Variants in CYLC2 observed in about 807,000 individuals in gnomAD.
CYLC2 encodes the protein cylicin-2.
A neutral mutation model predicts 26.1 loss-of-function variants in CYLC2; 30 were observed. The observed-to-expected ratio is 1.15, with a 90% confidence interval of 0.86 to 1.56. CYLC2 has a LOEUF of 1.56. CYLC2 is among the 40% of genes most tolerant of loss of function. CYLC2 has a pLI of 0.00. For missense variants in CYLC2, 498 were observed against 394.4 expected (o/e 1.26, Z -2.23); for synonymous variants, 158 against 132.8 (o/e 1.19, Z -1.31).
intron 1 of CYLC2, among the ~76,000 whole-genome samples, chr9:102,998,340 A>G: frequency 1.3e-5 from 2 of 150,314 alleles, no homozygotes; most frequent in South Asian, 4.1e-4. Context: ...ATTTACATTC[A>G]TATAAATATA....
At chr9:103,016,185 T>C (rs547344643) in intron 6 of CYLC2, among the ~76,000 whole-genome samples, 1 of 152,004 alleles carries the variant, frequency 6.6e-6, no homozygotes, top group South Asian at 2.1e-4. Flanking sequence ...TATTTTCTAA[T>C]GGTTAAGAAA....
chr9:102,998,646 T>C (rs1048855753), intron 1 of CYLC2, among the ~76,000 whole-genome samples: 1 of 151,936 alleles, frequency 6.6e-6, no homozygotes, highest in East Asian at 1.9e-4. Context: ...TATAAATGAT[T>C]CTTACTAAAA....
intron 6 of CYLC2, among the ~76,000 whole-genome samples, chr9:103,012,575 C>T (rs973929895): frequency 5.3e-5 from 8 of 151,692 alleles, no homozygotes; most frequent in African/African-American, 1.5e-4. Flanking sequence ...AGCCCTAATC[C>T]ATAATAAAAT....
At chr9:103,016,314 C>T (rs893961063) in intron 6 of CYLC2, among the ~76,000 whole-genome samples, 1 of 151,950 alleles carries the variant, frequency 6.6e-6, no homozygotes, top group Admixed American at 6.6e-5. Context: ...GAGAAAGCAG[C>T]AGTCACTGGC....
chr9:103,018,148 T>C (rs1010521275), intron 7 of CYLC2, among the ~76,000 whole-genome samples, 177 bp from the exon 8 acceptor site: 2 of 152,018 alleles, frequency 1.3e-5, no homozygotes, highest in Non-Finnish European at 2.9e-5. Context: ...GTTGAGGAAT[T>C]TGTACTCATT....
At chr9:103,009,054 T>C (rs1177185936) in intron 5 of CYLC2, among the ~76,000 whole-genome samples, 1 of 152,184 alleles carries the variant, frequency 6.6e-6, no homozygotes, top group Non-Finnish European at 1.5e-5. Flanking sequence ...CATTGGATTT[T>C]TAAAAATATT....
intron 5 of CYLC2, among the ~76,000 whole-genome samples, chr9:103,011,480 G>C (rs1210642222): frequency 2.0e-5 from 3 of 152,072 alleles, no homozygotes; most frequent in Non-Finnish European, 4.4e-5. Flanking sequence ...AAAGGTGACA[G>C]TCATTCTGTA....
chr9:103,001,482 T>C lies in CYLC2; in HGVS notation c.18-96T>C. On this transcript the variant is annotated intron_variant, in intron 1 of 7. Transcript: ENST00000374798. ...TATCTGAGATTGTGAAATATTTCTCTAGTTGTTGGTTGCAGGTACTGGAGT... is the reference window on the plus strand; with the variant it reads ...TATCTGAGATTGTGAAATATTTCTCCAGTTGTTGGTTGCAGGTACTGGAGT... 5.8e-6 allele frequency: 4 copies of C among 690,910 alleles called. No homozygotes were observed. In the South Asian group the frequency reaches 6.7e-5, roughly 12 times the overall value. The allele number at this position is 690,910 out of a possible 1,614,324, so 42.8% of individuals were successfully genotyped here.
intron 5 of CYLC2, among the ~76,000 whole-genome samples, chr9:103,009,105 T>A (rs775951373): frequency 6.6e-6 from 1 of 152,206 alleles, no homozygotes; most frequent in Non-Finnish European, 1.5e-5. Context: ...TTTACACTTG[T>A]TCCTTCTCCA....
chr9:103,013,271 T>TAA (rs1554713559), intron 6 of CYLC2, among the ~76,000 whole-genome samples: 2 of 101,444 alleles, frequency 2.0e-5, no homozygotes, highest in South Asian at 5.8e-4. Flanking sequence ...GTTATATATA[T>TAA]TATATATAAC....
At chr9:103,010,748 A>G (rs928321926) in intron 5 of CYLC2, 2 of 152,116 alleles carry the variant, frequency 1.3e-5, no homozygotes, top group East Asian at 1.9e-4. Flanking sequence ...ATAATTGCTC[A>G]CAATCAGCCT....
intron 5 of CYLC2, among the ~76,000 whole-genome samples, chr9:103,009,902 C>T (rs1260783989): frequency 6.7e-6 from 1 of 148,584 alleles, no homozygotes; most frequent in African/African-American, 2.6e-5. Flanking sequence ...TATGTGTACA[C>T]ACATACATAT....
Position 103,005,539 on chromosome 9 carries a change from T to G in CYLC2, c.908T>G (p.Val303Gly). 2 of 1,609,390 alleles carry G rather than the reference T, an allele frequency of 1.2e-6. No homozygotes were observed. Among genetic ancestry groups the G allele is most frequent in the South Asian group, 1.1e-5 (1 of 90,786 alleles). The change falls in exon 5 of 8, where the codon GTT becomes GGT. Residue 303 changes from valine (V) to glycine (G), a missense_variant. Physicochemically the swap from Val to Gly is moderately radical, Grantham distance 109. Coordinates refer to ENST00000374798, the MANE Select transcript of CYLC2 (RefSeq NM_001340.5). The stretch of plus-strand genomic sequence containing the variant: ...GACGCCACGAAAGATGCCAAGAAAG[T>G]TGCCAAGAAAGATACTGAGAAAGAA... ...KKDATKDAKK[V>G]AKKDTEKESA...
At chr9:103,011,874 A>T (rs1414023101) in intron 5 of CYLC2, 108 bp from the exon 6 acceptor site, 1 of 149,860 alleles carries the variant, frequency 6.7e-6, no homozygotes, top group Non-Finnish European at 1.5e-5. Context: ...AAATGATATT[A>T]TTCCAGTTCT....
At chr9:103,011,573 G>T (rs767324660) in intron 5 of CYLC2, among the ~76,000 whole-genome samples, 1 of 152,028 alleles carries the variant, frequency 6.6e-6, no homozygotes, top group South Asian at 2.1e-4. Flanking sequence ...AAATGGGGGA[G>T]GGAGTGATGG....
chr9:103,009,537 C>G (rs79609119), intron 5 of CYLC2, among the ~76,000 whole-genome samples: 1,938 of 152,154 alleles, frequency 0.013, 45 homozygotes, highest in African/African-American at 0.045. Context: ...AATGGGGTAA[C>G]TACCCCTTCA....
Position 103,005,910 on chromosome 9 carries a change from C to A in CYLC2, c.*232C>A. ...GATCCATTGAAAGACTTGAAGAATACATATACTTATATTCGGGGATATGAA... is the reference window on the plus strand; with the variant it reads ...GATCCATTGAAAGACTTGAAGAATAAATATACTTATATTCGGGGATATGAA... On this transcript the variant is annotated 3_prime_UTR_variant, in exon 5 of 8. Transcript: ENST00000374798. 2 of 464,140 alleles carry A rather than the reference C, an allele frequency of 4.3e-6. No homozygotes were observed. The highest frequency in any genetic ancestry group is 7.5e-6 in the Non-Finnish European group (2 of 265,186). The allele number at this position is 464,140 out of a possible 1,614,324, so 28.8% of individuals were successfully genotyped here. A position where few individuals can be genotyped will look rare whatever the true frequency, so the allele number is the denominator to read the frequency against.
intron 1 of CYLC2, among the ~76,000 whole-genome samples, chr9:102,998,497 G>T (rs10119363): frequency 1.3e-4 from 20 of 151,884 alleles, no homozygotes; most frequent in Non-Finnish European, 2.9e-4. Context: ...GGAAAGAGAT[G>T]CTCTCACCAG....
At chr9:103,008,134 T>C (rs1829370483) in intron 5 of CYLC2, among the ~76,000 whole-genome samples, 1 of 150,224 alleles carries the variant, frequency 6.7e-6, no homozygotes, top group African/African-American at 2.5e-5. Flanking sequence ...AGGAAATCAT[T>C]TCAAATCCTC....
Sources: allele counts gnomAD v4.1 joint callset (sites outside exome capture counted in the v4.1 genomes callset), GRCh38; gene constraint gnomAD v4.1.1; transcripts MANE v1.5; gene names NCBI Gene and HGNC (gene_info 2026-07-23, HGNC 2026-07-21).